The following ZC3H12B variants were observed in gnomAD, a reference collection of about 807,000 sequenced individuals.
ZC3H12B encodes the protein zinc finger CCCH-type containing 12B.
Under a neutral mutation model 43.9 loss-of-function variants are expected in ZC3H12B, and 7 were observed. The ratio of observed to expected loss-of-function variants is 0.16; its 90% CI spans 0.09 to 0.30. The LOEUF (loss-of-function observed/expected upper bound fraction) is 0.30. Ranked by LOEUF, ZC3H12B falls within the 10% of genes least tolerant of loss-of-function variation. The pLI is 1.00. For synonymous variants in ZC3H12B, 222 were observed against 241.7 expected, an observed-to-expected ratio of 0.92 and a Z score of 0.76; for missense variants, 475 against 670.2, an observed-to-expected ratio of 0.71 and a Z score of 3.22.
chrX:65,282,659 G>A, the ZC3H12B span, among the ~76,000 whole-genome samples: 1 of 111,507 alleles, frequency 9.0e-6, no homozygotes, highest in Non-Finnish European at 1.9e-5. Flanking sequence ...CGATCCCAGA[G>A]AAATACAAAC....
Position 65,453,310 on chromosome X carries a change from C to T in ZC3H12B, n.408-35336C>T, listed in dbSNP as rs781332437. On this transcript the variant is annotated intron_variant and non_coding_transcript_variant, in intron 3 of 5. Transcript: ENST00000617377. ...ACAGTTGCACACACATGTTTATAGG[C>T]GCACAATTCTCAATTCTCAATTGCA... 1.9e-4 allele frequency among the ~76,000 whole-genome samples: 18 copies of T among 94,282 alleles called. No individual in the cohort carries two copies. In the South Asian group the frequency reaches 2.2e-3, roughly 11 times the overall value. The allele number at this position is 94,282 out of a possible 115,157, so 81.9% of individuals were successfully genotyped here.
chrX:65,160,189 A>C, the ZC3H12B span, among the ~76,000 whole-genome samples: 18 of 111,913 alleles, frequency 1.6e-4, no homozygotes, highest in Middle Eastern at 4.6e-3. Context: ...GGATTTTTGC[A>C]TCAATGTTCA....
At chrX:65,423,825 T>C (rs1008126185) in intron 3 of ZC3H12B, among the ~76,000 whole-genome samples, 1 of 112,071 alleles carries the variant, frequency 8.9e-6, no homozygotes, top group South Asian at 3.7e-4. Context: ...TGATGATAGT[T>C]CCTTTGGTTG....
At chrX:65,282,326 C>A in the ZC3H12B span, among the ~76,000 whole-genome samples, 3 of 110,836 alleles carry the variant, frequency 2.7e-5, no homozygotes, top group East Asian at 2.8e-4. Context: ...CCAAAAACAA[C>A]AACAACAACA....
chrX:65,281,792 C>T, the ZC3H12B span, among the ~76,000 whole-genome samples: 2 of 112,097 alleles, frequency 1.8e-5, no homozygotes, highest in African/African-American at 6.5e-5. Context: ...ACCTTAAAAA[C>T]ACAGGCAACA....
chrX:65,406,553 C>G, intron 3 of ZC3H12B, among the ~76,000 whole-genome samples: 1 of 81,250 alleles, frequency 1.2e-5, no homozygotes, highest in Non-Finnish European at 2.1e-5. Flanking sequence ...GTCCCCCGCC[C>G]GATCGGGGCT....
At chrX:65,270,220 A>G in the ZC3H12B span, among the ~76,000 whole-genome samples, 2 of 111,974 alleles carry the variant, frequency 1.8e-5, no homozygotes, top group Non-Finnish European at 3.8e-5. Context: ...GAGCCCAGAA[A>G]TAAATCCAAA....
At chrX:65,056,466 A>T in the ZC3H12B span, among the ~76,000 whole-genome samples, 13 of 110,934 alleles carry the variant, frequency 1.2e-4, no homozygotes, top group Non-Finnish European at 1.3e-4. Flanking sequence ...AGTTTGTTAT[A>T]ATTTCTGTTT....
the ZC3H12B span, among the ~76,000 whole-genome samples, chrX:65,243,467 CA>C: frequency 9.0e-6 from 1 of 111,266 alleles, no homozygotes; most frequent in East Asian, 2.8e-4. Flanking sequence ...AAAAAAATAA[CA>C]AGAGATGCTG....
At chrX:65,302,230 C>CT in the ZC3H12B span, among the ~76,000 whole-genome samples, 267 of 103,375 alleles carry the variant, frequency 2.6e-3, no homozygotes, top group Non-Finnish European at 3.7e-3. Flanking sequence ...GAAAAAACTG[C>CT]TTTTTTTTTT....
the ZC3H12B span, among the ~76,000 whole-genome samples, chrX:65,076,625 T>C: frequency 1.1e-4 from 12 of 110,950 alleles, no homozygotes; most frequent in Non-Finnish European, 2.1e-4. Flanking sequence ...GAATAAGTTT[T>C]GTTGATATAT....
At chrX:65,327,470 G>A in the ZC3H12B span, among the ~76,000 whole-genome samples, 314 of 110,811 alleles carry the variant, frequency 2.8e-3, no homozygotes, top group African/African-American at 9.2e-3. Flanking sequence ...CAAAAACCAC[G>A]AAACAAGCCA....
At chrX:65,097,408 A>G in the ZC3H12B span, among the ~76,000 whole-genome samples, 2 of 111,265 alleles carry the variant, frequency 1.8e-5, no homozygotes, top group Non-Finnish European at 3.8e-5. Flanking sequence ...CTGGGCCTTC[A>G]TGTTACTTTT....
the ZC3H12B span, among the ~76,000 whole-genome samples, chrX:65,150,616 G>A: frequency 9.0e-6 from 1 of 111,108 alleles, no homozygotes; most frequent in Non-Finnish European, 1.9e-5. Context: ...GTGTTAGTTT[G>A]TTGAAGATGA....
the ZC3H12B span, among the ~76,000 whole-genome samples, chrX:65,354,562 G>A: frequency 9.0e-6 from 1 of 111,600 alleles, no homozygotes; most frequent in Non-Finnish European, 1.9e-5. Flanking sequence ...CTCCCCCAAA[G>A]GATCACAACT....
chrX:65,255,536 G>A, the ZC3H12B span, among the ~76,000 whole-genome samples: 1 of 111,931 alleles, frequency 8.9e-6, no homozygotes, highest in Admixed American at 9.5e-5. Flanking sequence ...AAGTCCTTAA[G>A]GGAGTGCTAA....
chrX:65,328,592 A>T, the ZC3H12B span: 1 of 168,196 alleles, frequency 5.9e-6, no homozygotes, highest in Non-Finnish European at 1.1e-5. Context: ...TTTAGGGTAC[A>T]TGTGCACCAT....
the ZC3H12B span, among the ~76,000 whole-genome samples, chrX:65,203,651 G>T: frequency 1.8e-5 from 2 of 109,790 alleles, no homozygotes; most frequent in Non-Finnish European, 3.8e-5. Flanking sequence ...CTCTCAAGCA[G>T]AAGGAAGGAT....
chrX:65,077,155 C>G, the ZC3H12B span, among the ~76,000 whole-genome samples: 1 of 111,451 alleles, frequency 9.0e-6, no homozygotes, highest in African/African-American at 3.3e-5. Flanking sequence ...TGTGTTTTGT[C>G]TTTCTGATGG....
Sources: allele counts gnomAD v4.1 joint callset (sites outside exome capture counted in the v4.1 genomes callset), GRCh38; gene constraint gnomAD v4.1.1; transcripts MANE v1.5; gene names NCBI Gene and HGNC (gene_info 2026-07-23, HGNC 2026-07-21).